FGF14: variants seen among roughly 807,000 people sequenced by gnomAD.
The protein encoded by FGF14 is fibroblast growth factor 14, also known as fibroblast growth factor homologous factor 4.
FGF14 carries 5 observed loss-of-function variants against 25.5 expected under a neutral mutation model. That is an observed-to-expected ratio of 0.20 (90% CI 0.10 to 0.41). The LOEUF (loss-of-function observed/expected upper bound fraction) is 0.41, where lower values mean the gene tolerates loss of function less well. Among genes scored for constraint, FGF14 ranks in the 10% least tolerant of loss-of-function variants. The probability of loss-of-function intolerance (pLI) is 1.00; values close to 1 mark genes in which losing one functional copy is unlikely to be tolerated. For missense variants in FGF14, 222 were observed against 320.1 expected (o/e 0.69, Z 2.34); for synonymous variants, 138 against 118.3 (o/e 1.17, Z -1.08).
chr13:101,752,866 A>G (rs924221763), intron 3 of FGF14, among the ~76,000 whole-genome samples: 1 of 152,204 alleles, frequency 6.6e-6, no homozygotes, highest in African/African-American at 2.4e-5. Flanking sequence ...TGGAAAAAGA[A>G]AATAGTTTCT....
chr13:102,300,934 CACAT>C (rs770549571), intron 1 of FGF14, among the ~76,000 whole-genome samples: 23,019 of 74,974 alleles, frequency 0.31, 1,813 homozygotes, highest in Middle Eastern at 0.4. Flanking sequence ...CACACACACA[CACAT>C]ACACACACAC....
chr13:102,024,535 G>C (rs554959926), intron 1 of FGF14, among the ~76,000 whole-genome samples: 1 of 151,882 alleles, frequency 6.6e-6, no homozygotes, highest in Non-Finnish European at 1.5e-5. Context: ...TACATGACTT[G>C]TAAATATTTC....
chr13:101,870,844 T>C (rs1259567127), intron 2 of FGF14, among the ~76,000 whole-genome samples: 1 of 151,936 alleles, frequency 6.6e-6, no homozygotes, highest in Non-Finnish European at 1.5e-5. Context: ...TCCCAGCTAC[T>C]CAGGAGGCTG....
intron 1 of FGF14, among the ~76,000 whole-genome samples, chr13:101,986,158 C>T (rs965895868): frequency 1.3e-5 from 2 of 152,080 alleles, no homozygotes; most frequent in Non-Finnish European, 2.9e-5. Flanking sequence ...TAATAAACCA[C>T]TATTACCTGG....
At chr13:102,074,561 A>C (rs946221550) in intron 1 of FGF14, among the ~76,000 whole-genome samples, 15 of 152,244 alleles carry the variant, frequency 9.9e-5, no homozygotes, top group African/African-American at 3.6e-4. Context: ...ATATTGAAGT[A>C]AAGGGAATAC....
chr13:101,879,623 CAT>C (rs1175473782), intron 1 of FGF14, among the ~76,000 whole-genome samples: 2 of 152,124 alleles, frequency 1.3e-5, no homozygotes, highest in Admixed American at 6.6e-5. Context: ...TACACTATGA[CAT>C]ATGTTTTTCT....
chr13:102,273,983 AAGAG>A (rs1011514508), intron 1 of FGF14, among the ~76,000 whole-genome samples: 7 of 151,622 alleles, frequency 4.6e-5, no homozygotes, highest in African/African-American at 1.5e-4. Flanking sequence ...TCAAAAATGA[AAGAG>A]AGAGAGAAAA....
intron 1 of FGF14, among the ~76,000 whole-genome samples, chr13:102,366,162 T>C (rs1205097171): frequency 6.6e-6 from 1 of 152,178 alleles, no homozygotes; most frequent in African/African-American, 2.4e-5. Context: ...ATAGAAATTG[T>C]ATCCTGCTGC....
At chr13:102,310,934 G>A (rs542130249) in intron 1 of FGF14, among the ~76,000 whole-genome samples, 2 of 152,084 alleles carry the variant, frequency 1.3e-5, no homozygotes, top group Admixed American at 6.5e-5. Flanking sequence ...CATCCAGGGC[G>A]TGACCTAATT....
intron 1 of FGF14, among the ~76,000 whole-genome samples, chr13:102,161,573 G>GAAGA (rs1555369405): frequency 0.013 from 71 of 5,486 alleles, 19 homozygotes; most frequent in Non-Finnish European, 0.018. Flanking sequence ...TGTGAAGAAA[G>GAAGA]AAAGAAGAAG....
chr13:101,783,841 A>C (rs1045218728), intron 3 of FGF14, among the ~76,000 whole-genome samples: 40 of 152,098 alleles, frequency 2.6e-4, no homozygotes, highest in African/African-American at 7.9e-4. Flanking sequence ...ATCCATCTTG[A>C]GTTAATTTTT....
chr13:101,712,259 ACT>A lies in FGF14; in HGVS notation c.*10570_*10571del, dbSNP rs1446459116. ...GGGAAAATGCTGACCTAGAAATGCT[ACT>A]GTTTCATGACACATACAAAATCAAT... On this transcript the variant is annotated 3_prime_UTR_variant, in exon 5 of 5. Transcript: ENST00000376143. 2.0e-5 allele frequency: 3 copies of A among 152,230 alleles called. No homozygotes were observed. Among genetic ancestry groups the A allele is most frequent in the Admixed American group, 2.0e-4 (3 of 15,284 alleles). The allele number at this position is 152,230 out of a possible 1,614,324, so 9.4% of individuals were successfully genotyped here.
chr13:102,316,836 A>G (rs1472357808), intron 1 of FGF14, among the ~76,000 whole-genome samples: 1 of 152,208 alleles, frequency 6.6e-6, no homozygotes, highest in Non-Finnish European at 1.5e-5. Flanking sequence ...AAATTATAGT[A>G]AAAATAATGT....
intron 1 of FGF14, among the ~76,000 whole-genome samples, chr13:102,256,953 T>C (rs2052470695): frequency 6.6e-6 from 1 of 152,212 alleles, no homozygotes. Flanking sequence ...TGAAATAACA[T>C]CCATTTTCCT....
At chr13:102,352,146 G>C (rs1021951668) in intron 1 of FGF14, among the ~76,000 whole-genome samples, 1 of 151,488 alleles carries the variant, frequency 6.6e-6, no homozygotes, top group African/African-American at 2.4e-5. Context: ...CAAACATTAT[G>C]GTGTATTACT....
chr13:102,217,878 CG>C (rs2140944921), intron 1 of FGF14, among the ~76,000 whole-genome samples: 1 of 152,178 alleles, frequency 6.6e-6, no homozygotes, highest in Non-Finnish European at 1.5e-5. Flanking sequence ...TGAGAAAGCC[CG>C]GAACACTGGT....
chr13:102,097,029 C>CT (rs11413699), intron 1 of FGF14, among the ~76,000 whole-genome samples: 65,963 of 145,704 alleles, frequency 0.45, 15,101 homozygotes, highest in Non-Finnish European at 0.51. Context: ...GACTGGAGGA[C>CT]TTTTTTTTTT....
chr13:101,958,099 C>G (rs531854948), intron 1 of FGF14, among the ~76,000 whole-genome samples: 11 of 152,294 alleles, frequency 7.2e-5, no homozygotes, highest in Admixed American at 7.2e-4. Flanking sequence ...CACCTGAATA[C>G]CTAATTGTTG....
chr13:102,111,780 A>C lies in FGF14; in HGVS notation c.209-236484T>G, dbSNP rs573233384. Among the ~76,000 whole-genome samples the C allele has an allele frequency of 3.6e-4, 13 of 35,964 alleles. No homozygotes were observed. The East Asian group carries it at 0.035, about 97-fold the overall frequency. The allele number at this position is 35,964 out of a possible 152,430, so 23.6% of individuals were successfully genotyped here. ...ATTTTGTAGGCCAACCATCAAACAA[A>C]AAAAAAAAAAACCAAAGCAAAACAA... On this transcript the variant is annotated intron_variant, in intron 1 of 4. Transcript: ENST00000376131.
Sources: gnomAD v4.1 joint callset for allele counts (sites outside exome capture counted in the v4.1 genomes callset) on GRCh38, gnomAD v4.1.1 for gene constraint, MANE v1.5 for transcripts, NCBI Gene and HGNC (gene_info 2026-07-23, HGNC 2026-07-21) for gene names.